The following CSRNP3 variants were observed in gnomAD, a reference collection of about 807,000 sequenced individuals.
CSRNP3 encodes cysteine/serine-rich nuclear protein 3.
A neutral mutation model predicts 48.0 loss-of-function variants in CSRNP3; 12 were observed. The ratio of observed to expected loss-of-function variants is 0.25; its 90% confidence interval spans 0.16 to 0.41. CSRNP3 has a LOEUF of 0.41. CSRNP3 is among the 10% of genes least tolerant of loss of function. The pLI is 1.00. For synonymous variants in CSRNP3, 263 were observed against 269.7 expected (o/e 0.98, Z 0.24); for missense variants, 580 against 724.4 (o/e 0.80, Z 2.29).
At chr2:165,506,784 A>G (rs1455556359) in intron 2 of CSRNP3, among the ~76,000 whole-genome samples, 2 of 152,190 alleles carry the variant, frequency 1.3e-5, no homozygotes, top group Admixed American at 6.6e-5. Flanking sequence ...CTGGAACCTG[A>G]CTGACAACCC....
rs182011368 is a variant in CSRNP3, at chr2:165,687,255, A to C, written c.*7502A>C. The C allele has an allele frequency of 2.6e-5, 4 of 152,250 alleles. No individual in the cohort carries two copies. The highest frequency in any genetic ancestry group is 9.6e-5 in the African/African-American group (4 of 41,562). The allele number at this position is 152,250 out of a possible 1,614,324, so 9.4% of individuals were successfully genotyped here. ...TTTAAAGAAAGACACGGATTCAGAGACAATGGTCTGTAACATGACCAACTT... is the reference window on the plus strand; with the variant it reads ...TTTAAAGAAAGACACGGATTCAGAGCCAATGGTCTGTAACATGACCAACTT... On this transcript the variant is annotated 3_prime_UTR_variant, in exon 7 of 7. Transcript: ENST00000651982.
chr2:165,516,061 C>T (rs1013312874), intron 2 of CSRNP3, among the ~76,000 whole-genome samples: 5 of 152,096 alleles, frequency 3.3e-5, no homozygotes, highest in African/African-American at 1.2e-4. Flanking sequence ...CCGCCTTGCC[C>T]TCCCAAAGTG....
In CSRNP3 at chr2:165,678,825, T is replaced by C; in HGVS notation, c.830T>C (p.Leu277Pro). The C allele has an allele frequency of 3.7e-6, 6 of 1,614,068 alleles. No homozygotes were observed. Among genetic ancestry groups the C allele is most frequent in the Non-Finnish European group, 5.1e-6 (6 of 1,179,992 alleles). Reference protein sequence around the residue: ...HFLHTIMKLELEKNREQQIPT... With the variant: ...HFLHTIMKLEPEKNREQQIPT... ...TTGCACACAATAATGAAACTTGAAC[T>C]GGAGAAAAACCGAGAGCAGCAAATC... The change falls in exon 7 of 7, where the codon CTG becomes CCG. Residue 277 changes from leucine (L) to proline (P), a missense_variant. Leu to Pro is a moderately conservative substitution (Grantham distance 98). Coordinates refer to ENST00000651982, the MANE Select transcript of CSRNP3 (RefSeq NM_001172173.2).
chr2:165,548,921 G>A (rs546736593), intron 3 of CSRNP3, among the ~76,000 whole-genome samples: 60 of 151,096 alleles, frequency 4.0e-4, no homozygotes, highest in Non-Finnish European at 7.8e-4. Context: ...TTCTAGTCTG[G>A]ATAAAAAGAA....
chr2:165,666,705 A>G (rs1350973767), intron 5 of CSRNP3, among the ~76,000 whole-genome samples: 2 of 92,864 alleles, frequency 2.2e-5, no homozygotes, highest in African/African-American at 8.3e-5. Context: ...GAGAGAGAGA[A>G]AGGAAGGAAG....
rs1043737806 is a variant in CSRNP3 at position 165,494,894 on chromosome 2, A to T, written c.-147A>T. 6.3e-6 allele frequency: 1 copy of T among 159,800 alleles called. No homozygotes were observed. Among genetic ancestry groups the T allele is most frequent in the African/African-American group, 2.4e-5 (1 of 41,668 alleles). The allele number at this position is 159,800 out of a possible 1,614,324, so 9.9% of individuals were successfully genotyped here. A position where few individuals can be genotyped will look rare whatever the true frequency, so the allele number is the denominator to read the frequency against. On this transcript the variant is annotated 5_prime_UTR_variant, in exon 2 of 7. Coordinates refer to ENST00000651982, the MANE Select transcript of CSRNP3 (RefSeq NM_001172173.2). ...AGCTGTGACAGTACTGAGAGTGTTG[A>T]TAGTGTCAATCGTTCAGTTTTAATG...
At position 165,546,341 on chromosome 2, in the gene CSRNP3, C is replaced by T. The variant is rs184490685; in HGVS notation, c.-24+28380C>T. On this transcript the variant is annotated intron_variant, in intron 3 of 6. Transcript: ENST00000651982. The stretch of plus-strand genomic sequence containing the variant: ...CCGAGTAGCTAGGATTACAGGCGCC[C>T]GCCACCAGGCCCAGCTAACTTTTGT... Among the ~76,000 whole-genome samples, 30 of 152,094 alleles carry T rather than the reference C, an allele frequency of 2.0e-4. No homozygotes were observed. In the East Asian group the frequency reaches 3.7e-3, roughly 19 times the overall value.
At chr2:165,636,321 G>C (rs1686627157) in intron 4 of CSRNP3, among the ~76,000 whole-genome samples, 1 of 152,106 alleles carries the variant, frequency 6.6e-6, no homozygotes, top group Non-Finnish European at 1.5e-5. Flanking sequence ...TGCATAATTG[G>C]ATGAATGAAT....
intron 2 of CSRNP3, among the ~76,000 whole-genome samples, chr2:165,511,444 C>T (rs954447260): frequency 6.6e-6 from 1 of 151,762 alleles, no homozygotes; most frequent in South Asian, 2.1e-4. Flanking sequence ...TAATTGAAGT[C>T]GTGAAAACCT....
At chr2:165,665,503 G>A (rs1687163648) in intron 5 of CSRNP3, among the ~76,000 whole-genome samples, 1 of 152,182 alleles carries the variant, frequency 6.6e-6, no homozygotes, top group Admixed American at 6.5e-5. Context: ...GCTCGCACCT[G>A]TAATCCCAGC....
rs534022991 is a variant in CSRNP3, at chr2:165,500,224, C to T, written c.-113+5296C>T. 1.7e-4 allele frequency among the ~76,000 whole-genome samples: 25 copies of T among 151,282 alleles called. No individual in the cohort carries two copies. In the East Asian group the frequency reaches 1.9e-3, roughly 12 times the overall value. On this transcript the variant is annotated intron_variant, in intron 2 of 6. Coordinates refer to ENST00000651982, the MANE Select transcript of CSRNP3 (RefSeq NM_001172173.2). ...TTGTGTCATGTAGATATGCAAAATA[C>T]GTAAACTGTTACATATTTTTATGCC... is the stretch of plus-strand genomic sequence containing the variant.
At chr2:165,484,249 C>T (rs1383255311) in intron 1 of CSRNP3, among the ~76,000 whole-genome samples, 1 of 152,110 alleles carries the variant, frequency 6.6e-6, no homozygotes, top group South Asian at 2.1e-4. Flanking sequence ...TGCACCACCA[C>T]ATTCGGCTAA....
At chr2:165,545,805 T>A (rs1452971637) in intron 3 of CSRNP3, among the ~76,000 whole-genome samples, 1 of 152,206 alleles carries the variant, frequency 6.6e-6, no homozygotes, top group Non-Finnish European at 1.5e-5. Context: ...TGTATTACTT[T>A]TTAAATTAAA....
intron 4 of CSRNP3, among the ~76,000 whole-genome samples, chr2:165,618,901 G>A (rs1204444086): frequency 2.0e-5 from 3 of 152,168 alleles, no homozygotes; most frequent in Non-Finnish European, 2.9e-5. Context: ...TAATTATGTG[G>A]TGTGAATTTG....
Position 165,671,315 on chromosome 2 carries a change from T to C in CSRNP3, c.409-4997T>C, listed in dbSNP as rs115123339. 4.4e-3 allele frequency among the ~76,000 whole-genome samples: 668 copies of C among 152,280 alleles called. 3 individuals are homozygous for C. Among genetic ancestry groups the C allele is most frequent in the African/African-American group, 0.015 (641 of 41,558 alleles). On this transcript the variant is annotated intron_variant, in intron 5 of 6. Transcript: ENST00000651982. ...AGAGGAAAAAAATGGACAAAATGAA[T>C]ACCACTGTGAATGAAGATGGGTTGT...
chr2:165,575,296 CTT>C (rs756026938), intron 3 of CSRNP3, among the ~76,000 whole-genome samples: 109 of 152,066 alleles, frequency 7.2e-4, no homozygotes, highest in Non-Finnish European at 1.2e-3. Flanking sequence ...TTCAAACAAA[CTT>C]AATTAAAACA....
At chr2:165,562,985 A>T (rs1685253565) in intron 3 of CSRNP3, among the ~76,000 whole-genome samples, 1 of 152,172 alleles carries the variant, frequency 6.6e-6, no homozygotes, top group Non-Finnish European at 1.5e-5. Context: ...GAGAGAAGAC[A>T]GTGTGAGAAG....
intron 4 of CSRNP3, among the ~76,000 whole-genome samples, chr2:165,656,875 T>C (rs534803652): frequency 1.3e-5 from 2 of 152,350 alleles, no homozygotes; most frequent in South Asian, 4.1e-4. Context: ...ATACAACTCC[T>C]GTGAAAGTCA....
intron 4 of CSRNP3, among the ~76,000 whole-genome samples, chr2:165,647,168 T>C (rs994778756): frequency 3.3e-5 from 5 of 152,206 alleles, no homozygotes; most frequent in African/African-American, 9.6e-5. Context: ...CTTATAATAT[T>C]CCTGTGAGGT....
Sources: allele counts gnomAD v4.1 joint callset (sites outside exome capture counted in the v4.1 genomes callset), GRCh38; gene constraint gnomAD v4.1.1; transcripts MANE v1.5; gene names NCBI Gene and HGNC (gene_info 2026-07-23, HGNC 2026-07-21).